Variants in ALK observed in about 807,000 individuals in gnomAD.
The protein encoded by ALK is ALK tyrosine kinase receptor.
In ALK, 74 loss-of-function variants were observed where a neutral mutation model predicts 163.1. The observed-to-expected ratio is 0.45, with a 90% CI of 0.38 to 0.55. ALK has a LOEUF of 0.55. Among genes scored for constraint, ALK ranks in the 20% least tolerant of loss-of-function variants. The pLI is 0.00. For missense variants in ALK, 2,063 were observed against 2,105.3 expected (o/e 0.98, Z 0.39); for synonymous variants, 960 against 843.2 (o/e 1.14, Z -2.40).
intron 1 of ALK, among the ~76,000 whole-genome samples, chr2:29,833,920 T>C (rs1165016100): frequency 1.3e-5 from 2 of 152,186 alleles, no homozygotes; most frequent in South Asian, 4.1e-4. Flanking sequence ...TTATAGACTT[T>C]GACATTACCA....
chr2:29,501,116 T>G (rs143082941), intron 4 of ALK, among the ~76,000 whole-genome samples: 1 of 152,224 alleles, frequency 6.6e-6, no homozygotes, highest in Non-Finnish European at 1.5e-5. Context: ...GGAGAAGAAC[T>G]CCCCCAGCTC....
At chr2:29,394,390 G>A (rs1056574558) in intron 4 of ALK, among the ~76,000 whole-genome samples, 1 of 151,728 alleles carries the variant, frequency 6.6e-6, no homozygotes, top group Non-Finnish European at 1.5e-5. Flanking sequence ...TAGTGACCCT[G>A]AGAATCCTGA....
At chr2:29,209,599 G>T (rs546878687) in intron 25 of ALK, among the ~76,000 whole-genome samples, 187 bp downstream of exon 25, 1 of 149,804 alleles carries the variant, frequency 6.7e-6, no homozygotes, top group East Asian at 2.0e-4. Context: ...TGTGATCCCA[G>T]ATTTAGGCCT....
intron 4 of ALK, among the ~76,000 whole-genome samples, chr2:29,506,294 A>G (rs1672319838): frequency 6.6e-6 from 1 of 152,178 alleles, no homozygotes; most frequent in African/African-American, 2.4e-5. Context: ...TACAACAAAT[A>G]CCAATTGCTT....
chr2:29,312,397 G>T (rs764320492), intron 8 of ALK, among the ~76,000 whole-genome samples: 2 of 151,880 alleles, frequency 1.3e-5, no homozygotes, highest in East Asian at 1.9e-4. Context: ...GCTAGAAAGT[G>T]GGGGGGCTTC....
At chr2:29,887,934 C>CT (rs1361572013) in intron 1 of ALK, among the ~76,000 whole-genome samples, 2 of 152,128 alleles carry the variant, frequency 1.3e-5, no homozygotes, top group African/African-American at 4.8e-5. Context: ...ACAAGAGAAC[C>CT]TAAAAGGGCT....
At chr2:29,267,628 T>C (rs1665254286) in intron 11 of ALK, among the ~76,000 whole-genome samples, 1 of 152,048 alleles carries the variant, frequency 6.6e-6, no homozygotes, top group South Asian at 2.1e-4. Context: ...TTCCTCTCAA[T>C]AGGAGAGGGG....
At chr2:29,613,592 A>T (rs1158652602) in intron 3 of ALK, among the ~76,000 whole-genome samples, 2 of 152,222 alleles carry the variant, frequency 1.3e-5, no homozygotes, top group Non-Finnish European at 2.9e-5. Context: ...CGTATGTCAC[A>T]CAGGTACACA....
At chr2:29,454,012 T>C (rs1014474329) in intron 4 of ALK, among the ~76,000 whole-genome samples, 7 of 152,136 alleles carry the variant, frequency 4.6e-5, no homozygotes, top group African/African-American at 1.7e-4. Context: ...CCAAAAGAGT[T>C]CTCCAGCTTT....
intron 4 of ALK, among the ~76,000 whole-genome samples, chr2:29,443,259 G>A (rs547187529): frequency 1.3e-5 from 2 of 152,212 alleles, no homozygotes; most frequent in South Asian, 2.1e-4. Context: ...CAGGGAGCAG[G>A]TGTCCCTGAG....
At chr2:29,901,888 AG>A (rs1667422421) in intron 1 of ALK, among the ~76,000 whole-genome samples, 1 of 152,164 alleles carries the variant, frequency 6.6e-6, no homozygotes, top group Admixed American at 6.5e-5. Flanking sequence ...AATTAGGGGT[AG>A]GGGGTGTGGA....
chr2:29,371,973 G>T (rs1668648534), intron 5 of ALK, among the ~76,000 whole-genome samples: 1 of 152,186 alleles, frequency 6.6e-6, no homozygotes, highest in Non-Finnish European at 1.5e-5. Context: ...AGCAGGGAAG[G>T]TCTTCGATGC....
intron 1 of ALK, among the ~76,000 whole-genome samples, chr2:29,720,331 C>T (rs966572109): frequency 1.3e-5 from 2 of 152,112 alleles, no homozygotes; most frequent in African/African-American, 4.8e-5. Context: ...CCTTTTATAT[C>T]ACAAAACACC....
chr2:29,510,850 A>ATGTTTTCCG (rs1331965591), intron 4 of ALK, among the ~76,000 whole-genome samples: 2 of 152,124 alleles, frequency 1.3e-5, no homozygotes, highest in East Asian at 3.9e-4. Flanking sequence ...CTTCATGAGG[A>ATGTTTTCCG]AGGTGATTCG....
At chr2:29,546,736 G>A (rs1008893709) in intron 3 of ALK, among the ~76,000 whole-genome samples, 2 of 152,160 alleles carry the variant, frequency 1.3e-5, no homozygotes, top group African/African-American at 4.8e-5. Flanking sequence ...TTGCTAAGAG[G>A]TAGCGGCTTT....
intron 25 of ALK, among the ~76,000 whole-genome samples, chr2:29,207,861 T>C (rs898007041): frequency 6.6e-6 from 1 of 152,194 alleles, no homozygotes; most frequent in African/African-American, 2.4e-5. Context: ...TCATCAGTAA[T>C]GTCATTAATG....
At chr2:29,325,503 C>T (rs1173246130) in intron 6 of ALK, among the ~76,000 whole-genome samples, 8 of 152,178 alleles carry the variant, frequency 5.3e-5, no homozygotes, top group Non-Finnish European at 8.8e-5. Context: ...GAGGGGGAGG[C>T]CCCCAGAGAA....
intron 4 of ALK, among the ~76,000 whole-genome samples, chr2:29,429,871 T>C (rs569632694): frequency 2.6e-4 from 40 of 152,276 alleles, no homozygotes; most frequent in Non-Finnish European, 5.4e-4. Flanking sequence ...GGCATAATGA[T>C]AGACACACAG....
chr2:29,620,922 T>A (rs1162880301), intron 3 of ALK, among the ~76,000 whole-genome samples: 4 of 152,212 alleles, frequency 2.6e-5, no homozygotes, highest in African/African-American at 7.2e-5. Context: ...TGCTATCATC[T>A]GGTCAAGTAA....
Sources: allele counts gnomAD v4.1 joint callset (sites outside exome capture counted in the v4.1 genomes callset), GRCh38; gene constraint gnomAD v4.1.1; transcripts MANE v1.5; gene names NCBI Gene and HGNC (gene_info 2026-07-23, HGNC 2026-07-21).